Variants in ST6GAL1 observed in about 807,000 individuals in gnomAD.
The protein encoded by ST6GAL1 is beta-galactoside alpha-2,6-sialyltransferase 1.
ST6GAL1 carries 20 observed loss-of-function variants against 38.0 expected under a neutral mutation model. That is an observed-to-expected ratio of 0.53 (90% confidence interval 0.37 to 0.77). ST6GAL1 has a LOEUF of 0.77. Ranked by LOEUF, ST6GAL1 falls within the 30% of genes least tolerant of loss-of-function variation. The pLI is 0.00. For synonymous variants in ST6GAL1, 196 were observed against 188.2 expected (o/e 1.04, Z -0.34); for missense variants, 432 against 496.4 (o/e 0.87, Z 1.23).
At chr3:187,029,750 C>T (rs1717674582) in intron 2 of ST6GAL1, among the ~76,000 whole-genome samples, 1 of 152,136 alleles carries the variant, frequency 6.6e-6, no homozygotes, top group Admixed American at 6.5e-5. Context: ...TGGATTTAAC[C>T]AGGATTGAGT....
chr3:187,066,601 CGTGT>C (rs3055152), intron 5 of ST6GAL1, among the ~76,000 whole-genome samples: 26,998 of 148,688 alleles, frequency 0.18, 2,633 homozygotes, highest in East Asian at 0.3. Context: ...TGCGTGCGTG[CGTGT>C]GTGTGTGTGT....
chr3:187,049,935 C>T (rs1009124258), intron 4 of ST6GAL1, among the ~76,000 whole-genome samples: 4 of 152,162 alleles, frequency 2.6e-5, no homozygotes, highest in Admixed American at 2.6e-4. Flanking sequence ...TTCAGTGTAC[C>T]TGCCCTGTAA....
intron 2 of ST6GAL1, among the ~76,000 whole-genome samples, chr3:187,009,573 A>T (rs1716891372): frequency 6.6e-6 from 1 of 152,252 alleles, no homozygotes; most frequent in South Asian, 2.1e-4. Context: ...TCAAGGCTGC[A>T]GTGAGCTATC....
At chr3:186,999,055 C>T (rs1247635550) in intron 2 of ST6GAL1, among the ~76,000 whole-genome samples, 1 of 152,238 alleles carries the variant, frequency 6.6e-6, no homozygotes, top group African/African-American at 2.4e-5. Flanking sequence ...AGGAAGGGGG[C>T]CCGGGGGCAA....
Position 186,952,840 on chromosome 3 carries a change from C to T in ST6GAL1, c.-324-10945C>T, listed in dbSNP as rs1262574817. Among the ~76,000 whole-genome samples the T allele has an allele frequency of 6.6e-6, 1 of 152,196 alleles. No individual in the cohort carries two copies. Among genetic ancestry groups the T allele is most frequent in the Non-Finnish European group, 1.5e-5 (1 of 68,042 alleles). ...CATCTAATATACATCTCAAATATGA[C>T]AAGCCCAAAATCGAACTGCTGCTTT... is the stretch of plus-strand genomic sequence containing the variant. On this transcript the variant is annotated intron_variant, in intron 1 of 7. Transcript: ENST00000169298. This position sits in a 1 kb window ranked among gnomAD's most constrained non-coding sequence, Gnocchi z 4.1.
chr3:187,068,233 T>C (rs947447532), intron 5 of ST6GAL1, among the ~76,000 whole-genome samples: 8 of 151,850 alleles, frequency 5.3e-5, no homozygotes, highest in Non-Finnish European at 1.0e-4. Flanking sequence ...TACCAGCTAC[T>C]TGGGAGGCTG....
At chr3:186,998,350 A>C (rs1227968412) in intron 2 of ST6GAL1, among the ~76,000 whole-genome samples, 1 of 152,340 alleles carries the variant, frequency 6.6e-6, no homozygotes, top group Middle Eastern at 3.4e-3. Flanking sequence ...CACATATTTT[A>C]TATGTTATGT....
At chr3:186,932,830 C>CA (rs879761153) in intron 1 of ST6GAL1, among the ~76,000 whole-genome samples, 2 of 152,012 alleles carry the variant, frequency 1.3e-5, no homozygotes, top group African/African-American at 2.4e-5. Flanking sequence ...GTAGGAAAAC[C>CA]AAAAAAACAC....
chr3:187,024,988 C>CGTGTGCGT (rs1553827911), intron 2 of ST6GAL1: 1 of 145,594 alleles, frequency 6.9e-6, no homozygotes, highest in Non-Finnish European at 1.5e-5. Flanking sequence ...GAACCTGGTG[C>CGTGTGCGT]GTGTGTGTGT....
chr3:187,058,579 G>C (rs899754045), intron 5 of ST6GAL1, among the ~76,000 whole-genome samples: 1 of 151,872 alleles, frequency 6.6e-6, no homozygotes, highest in African/African-American at 2.4e-5. Context: ...ACCTCTAGGT[G>C]CTTCCAATGC....
rs1337918446 is a variant in ST6GAL1, at chr3:186,974,731, G to GC, written c.-183+10805_-183+10806insC. On this transcript the variant is annotated intron_variant, in intron 2 of 7. Transcript: ENST00000169298. ...GTATTTACTGAGAGCCTGGTTGGGG[G>GC]GGGGGCGCCCACAGCAGGGTTGGGT... Among the ~76,000 whole-genome samples the GC allele has an allele frequency of 2.1e-4, 32 of 151,602 alleles. No homozygotes were observed. In the South Asian group the frequency reaches 6.3e-3, roughly 30 times the overall value.
intron 1 of ST6GAL1, among the ~76,000 whole-genome samples, chr3:186,942,668 C>T (rs1189737964): frequency 1.3e-5 from 2 of 152,126 alleles, no homozygotes; most frequent in African/African-American, 4.8e-5. Context: ...GTGAAGGAAA[C>T]GTGGCAAAAT....
chr3:186,944,713 T>C (rs1714294873), intron 1 of ST6GAL1, among the ~76,000 whole-genome samples: 1 of 152,172 alleles, frequency 6.6e-6, no homozygotes, highest in Admixed American at 6.5e-5. Context: ...CAGCCTATGC[T>C]GAGAAAAAAG....
chr3:186,960,764 G>A, intron 1 of ST6GAL1, among the ~76,000 whole-genome samples: 1 of 148,536 alleles, frequency 6.7e-6, no homozygotes, highest in East Asian at 2.0e-4. Flanking sequence ...TTTGTTTTCT[G>A]TTTTTTTTTT....
chr3:187,041,101 G>A (rs1226840673), intron 3 of ST6GAL1, among the ~76,000 whole-genome samples: 1 of 152,190 alleles, frequency 6.6e-6, no homozygotes, highest in African/African-American at 2.4e-5. Flanking sequence ...AATACCTTCT[G>A]TGCCTTTTTG....
At chr3:186,937,022 CA>C (rs1282621266) in intron 1 of ST6GAL1, among the ~76,000 whole-genome samples, 63 of 144,362 alleles carry the variant, frequency 4.4e-4, no homozygotes, top group African/African-American at 1.5e-3. Flanking sequence ...CATAGAGAAA[CA>C]GAAAAAAATT....
chr3:187,060,242 A>C (rs995710594), intron 5 of ST6GAL1, among the ~76,000 whole-genome samples: 3 of 151,946 alleles, frequency 2.0e-5, no homozygotes, highest in Non-Finnish European at 4.4e-5. Context: ...CTCACTGCAA[A>C]CACCACCTCC....
intron 2 of ST6GAL1, among the ~76,000 whole-genome samples, chr3:187,009,156 A>G (rs182155984): frequency 1.1e-4 from 15 of 140,284 alleles, no homozygotes; most frequent in Admixed American, 7.9e-4. Context: ...TATGTAGTAT[A>G]TAGTTTTATA....
chr3:187,035,097 A>G (rs913726090), intron 2 of ST6GAL1, among the ~76,000 whole-genome samples: 2 of 152,206 alleles, frequency 1.3e-5, no homozygotes, highest in Admixed American at 6.5e-5. Context: ...TGGCATTTCC[A>G]TAACCAGTAA....
Sources: allele counts gnomAD v4.1 joint callset (sites outside exome capture counted in the v4.1 genomes callset), GRCh38; gene constraint gnomAD v4.1.1; non-coding constraint Gnocchi (gnomAD v3.1); transcripts MANE v1.5; gene names NCBI Gene and HGNC (gene_info 2026-07-23, HGNC 2026-07-21).